Variants in DAPK2 observed in about 807,000 individuals in gnomAD.
DAPK2 encodes death-associated protein kinase 2.
Under a neutral mutation model 44.1 loss-of-function variants are expected in DAPK2, and 35 were observed. The ratio of observed to expected loss-of-function variants is 0.79; its 90% CI spans 0.61 to 1.05. DAPK2 has a LOEUF of 1.05. Among genes scored for constraint, DAPK2 ranks in the 50% least tolerant of loss-of-function variants. DAPK2 has a pLI of 0.00. For synonymous variants in DAPK2, 174 were observed against 182.6 expected, an observed-to-expected ratio of 0.95 and a Z score of 0.38; for missense variants, 453 against 483.2, an observed-to-expected ratio of 0.94 and a Z score of 0.59.
intron 3 of DAPK2, among the ~76,000 whole-genome samples, chr15:63,953,027 T>A (rs2077633457): frequency 6.6e-6 from 1 of 151,766 alleles, no homozygotes; most frequent in Admixed American, 6.6e-5. Context: ...ACAGGTGGTG[T>A]TTGGTTACAT....
chr15:63,953,539 G>A (rs1203092765), intron 3 of DAPK2, among the ~76,000 whole-genome samples: 5 of 152,142 alleles, frequency 3.3e-5, no homozygotes, highest in African/African-American at 1.2e-4. Flanking sequence ...CACTTTGGTG[G>A]CTTCCAATTC....
chr15:64,033,325 G>GA (rs747333343), intron 1 of DAPK2, among the ~76,000 whole-genome samples: 68 of 137,254 alleles, frequency 5.0e-4, no homozygotes, highest in African/African-American at 1.7e-3. Flanking sequence ...AGGAAGGAAG[G>GA]AAAAAAAAAA....
chr15:63,931,569 G>A (rs1258908536), intron 4 of DAPK2, among the ~76,000 whole-genome samples: 1 of 152,168 alleles, frequency 6.6e-6, no homozygotes, highest in African/African-American at 2.4e-5. Flanking sequence ...CCCACCTGAG[G>A]AGCAGGAGGA....
chr15:64,044,943 C>T (rs1055436152), upstream of DAPK2, among the ~76,000 whole-genome samples: 2 of 152,142 alleles, frequency 1.3e-5, no homozygotes, highest in Admixed American at 6.5e-5. Flanking sequence ...GATGGGGCTC[C>T]GGCATTACAG....
At chr15:63,918,992 C>T (rs1304459034) in intron 8 of DAPK2, 1 of 152,306 alleles carries the variant, frequency 6.6e-6, no homozygotes, top group Non-Finnish European at 1.5e-5. Context: ...CATTGTTAGC[C>T]CTCCACACTG....
chr15:64,017,417 A>G (rs1039394856), intron 1 of DAPK2, among the ~76,000 whole-genome samples: 5 of 152,258 alleles, frequency 3.3e-5, no homozygotes, highest in Middle Eastern at 3.4e-3. Context: ...CTGCACCTCA[A>G]AGGCTGTCCA....
chr15:64,002,916 CTGTGTG>C (rs3056849), intron 1 of DAPK2, among the ~76,000 whole-genome samples: 5,785 of 86,046 alleles, frequency 0.067, 250 homozygotes, highest in South Asian at 0.11. Flanking sequence ...GACTGAGACA[CTGTGTG>C]TGTGTGTGTG....
intron 10 of DAPK2, among the ~76,000 whole-genome samples, chr15:63,910,267 T>A (rs940055793): frequency 6.6e-6 from 1 of 152,186 alleles, no homozygotes; most frequent in South Asian, 2.1e-4. Context: ...CAAGAGATCA[T>A]GCTAAAGAGA....
intron 1 of DAPK2, among the ~76,000 whole-genome samples, chr15:64,036,322 TATATATATATATATAC>T (rs1567290118): frequency 2.6e-5 from 3 of 116,082 alleles, no homozygotes; most frequent in African/African-American, 8.9e-5. Flanking sequence ...TATATATGTA[TATATATATATATATAC>T]ATATATATAT....
intron 1 of DAPK2, among the ~76,000 whole-genome samples, chr15:64,011,332 G>T (rs1295334786): frequency 6.6e-6 from 1 of 152,134 alleles, no homozygotes; most frequent in Non-Finnish European, 1.5e-5. Flanking sequence ...GGCCGAGGTG[G>T]GTGGATCACT....
At chr15:63,931,586 T>C (rs1480954994) in intron 4 of DAPK2, among the ~76,000 whole-genome samples, 2 of 152,066 alleles carry the variant, frequency 1.3e-5, no homozygotes, top group East Asian at 1.9e-4. Context: ...AGGACATTCC[T>C]GGGGGTCCCT....
chr15:64,019,100 C>G (rs1480534147), intron 1 of DAPK2, among the ~76,000 whole-genome samples: 1 of 152,184 alleles, frequency 6.6e-6, no homozygotes, highest in Non-Finnish European at 1.5e-5. Context: ...ATCCCCACCC[C>G]AACATTCCAA....
intron 1 of DAPK2, among the ~76,000 whole-genome samples, chr15:64,038,628 C>A (rs1346858126): frequency 6.6e-6 from 1 of 152,070 alleles, no homozygotes; most frequent in African/African-American, 2.4e-5. Flanking sequence ...TGCTGCCTTT[C>A]ATTCTCTTTG....
chr15:63,995,442 C>G (rs976683626), intron 1 of DAPK2, among the ~76,000 whole-genome samples: 1 of 152,190 alleles, frequency 6.6e-6, no homozygotes, highest in Admixed American at 6.5e-5. Flanking sequence ...GGTTTATTGT[C>G]TAAAGAAGCT....
At chr15:64,035,026 G>C (rs1370019321) in intron 1 of DAPK2, among the ~76,000 whole-genome samples, 1 of 152,158 alleles carries the variant, frequency 6.6e-6, no homozygotes, top group African/African-American at 2.4e-5. Flanking sequence ...AAATTAGCCA[G>C]GCATGGTGGC....
At chr15:63,958,936 A>G (rs1311283545) in intron 3 of DAPK2, among the ~76,000 whole-genome samples, 6 of 152,184 alleles carry the variant, frequency 3.9e-5, no homozygotes, top group African/African-American at 1.4e-4. Flanking sequence ...TCTATACATT[A>G]CCTTGGGCAT....
intron 1 of DAPK2, among the ~76,000 whole-genome samples, chr15:64,009,774 A>T (rs918041753): frequency 3.3e-5 from 5 of 151,964 alleles, no homozygotes; most frequent in Non-Finnish European, 7.4e-5. Flanking sequence ...CCCCTAAATT[A>T]GGTTAATCTG....
At chr15:63,946,941 G>A (rs918511956) in intron 3 of DAPK2, among the ~76,000 whole-genome samples, 6 of 152,200 alleles carry the variant, frequency 3.9e-5, no homozygotes, top group African/African-American at 1.2e-4. Flanking sequence ...CAGGTTTTGA[G>A]GGTGCTCAGC....
chr15:64,004,029 G>A (rs2079164551), intron 1 of DAPK2, among the ~76,000 whole-genome samples: 1 of 152,038 alleles, frequency 6.6e-6, no homozygotes, highest in African/African-American at 2.4e-5. Context: ...ACCCAAGGAA[G>A]GTCACATATT....
Sources: allele counts gnomAD v4.1 joint callset (sites outside exome capture counted in the v4.1 genomes callset), GRCh38; gene constraint gnomAD v4.1.1; transcripts MANE v1.5; gene names NCBI Gene and HGNC (gene_info 2026-07-23, HGNC 2026-07-21).